RASGRP3: variants seen among roughly 807,000 people sequenced by gnomAD.
RASGRP3 encodes the protein ras guanyl-releasing protein 3.
A neutral mutation model predicts 82.7 loss-of-function variants in RASGRP3; 54 were observed. The observed-to-expected ratio is 0.65, with a 90% confidence interval of 0.52 to 0.82. The LOEUF (loss-of-function observed/expected upper bound fraction) is 0.82. RASGRP3 is among the 40% of genes least tolerant of loss of function. RASGRP3 has a pLI of 0.00. For missense variants in RASGRP3, 861 were observed against 828.9 expected (o/e 1.04, Z -0.48); for synonymous variants, 309 against 300.5 (o/e 1.03, Z -0.29).
intron 2 of RASGRP3, among the ~76,000 whole-genome samples, chr2:33,453,009 C>G (rs1192465408): frequency 6.6e-6 from 1 of 152,166 alleles, no homozygotes; most frequent in African/African-American, 2.4e-5. Flanking sequence ...AGTTCACTCT[C>G]CTTCCCCCAC....
Position 33,491,328 on chromosome 2 carries a change from A to C in RASGRP3, c.-261+14621A>C, listed in dbSNP as rs1040359774. ...TGAGACTGTGTCTCAAAAAAATTAA[A>C]AATAAAAAAAGTAAAACTTAATTGT... is the stretch of plus-strand genomic sequence containing the variant. On this transcript the variant is annotated intron_variant, in intron 1 of 17. Transcript: ENST00000403687. Among the ~76,000 whole-genome samples the C allele has an allele frequency of 3.9e-5, 6 of 152,194 alleles. No homozygotes were observed. In the East Asian group the frequency reaches 1.2e-3, roughly 29 times the overall value.
At chr2:33,552,969 T>G (rs1284086687) in intron 14 of RASGRP3, among the ~76,000 whole-genome samples, 2 of 152,200 alleles carry the variant, frequency 1.3e-5, no homozygotes, top group African/African-American at 4.8e-5. Flanking sequence ...GAGTTCATCC[T>G]CTACTGTTCT....
At chr2:33,511,476 A>T (rs1433763665) in intron 1 of RASGRP3, among the ~76,000 whole-genome samples, 1 of 152,220 alleles carries the variant, frequency 6.6e-6, no homozygotes, top group Non-Finnish European at 1.5e-5. Flanking sequence ...TTTGTTGCAT[A>T]TGTGGGTTTT....
chr2:33,456,925 A>G (rs547743611), intron 2 of RASGRP3, among the ~76,000 whole-genome samples: 110 of 121,774 alleles, frequency 9.0e-4, no homozygotes, highest in African/African-American at 2.3e-3. Context: ...TTTTTTTGAG[A>G]TGGAGTCTGG....
At chr2:33,547,145 T>C (rs1241467637) in intron 13 of RASGRP3, among the ~76,000 whole-genome samples, 1 of 149,412 alleles carries the variant, frequency 6.7e-6, no homozygotes, top group Non-Finnish European at 1.5e-5. Flanking sequence ...CCTAGCAAAC[T>C]AACGCAGGAA....
At chr2:33,519,226 A>G (rs1473893243) in intron 4 of RASGRP3, among the ~76,000 whole-genome samples, 1 of 152,190 alleles carries the variant, frequency 6.6e-6, no homozygotes, top group East Asian at 1.9e-4. Context: ...TTATTGGACC[A>G]CTGTCACATA....
At position 33,521,935 on chromosome 2, in the gene RASGRP3, GACTC is replaced by G. The variant is rs763774484; in HGVS notation, c.369-15_369-12del. 1 of 1,598,906 alleles carries G rather than the reference GACTC, an allele frequency of 6.3e-7. No homozygotes were observed. The highest frequency in any genetic ancestry group is 1.8e-5 in the Admixed American group (1 of 56,168). On this transcript the variant is annotated splice_polypyrimidine_tract_variant and intron_variant, in intron 6 of 17. Transcript: ENST00000403687. ...AAATGGGCTTTCAACACATTGACCG[GACTC>G]ACTCTTCTTTTATAGTCCTTCCTAT...
At chr2:33,500,979 G>A (rs1669820302) in intron 1 of RASGRP3, among the ~76,000 whole-genome samples, 1 of 152,150 alleles carries the variant, frequency 6.6e-6, no homozygotes, top group African/African-American at 2.4e-5. Context: ...ATGGTATTTA[G>A]TGTATTCACA....
chr2:33,464,635 G>T (rs1666583150), intron 2 of RASGRP3, among the ~76,000 whole-genome samples: 1 of 152,128 alleles, frequency 6.6e-6, no homozygotes, highest in African/African-American at 2.4e-5. Context: ...GCCACACCAA[G>T]CTGATTTCTT....
At chr2:33,515,296 T>A (rs1407499925) in intron 3 of RASGRP3, 90 bp downstream of exon 3, 2 of 1,360,186 alleles carry the variant, frequency 1.5e-6, no homozygotes, top group African/African-American at 2.9e-5. Context: ...AGAACAGAGT[T>A]CAGTCTCTGT....
chr2:33,543,746 G>A (rs1332145333), intron 13 of RASGRP3, 119 bp downstream of exon 13: 3 of 682,486 alleles, frequency 4.4e-6, no homozygotes, highest in African/African-American at 1.8e-5. Flanking sequence ...GTGCTTTGAT[G>A]AGCCAGGTTT....
Position 33,515,110 on chromosome 2 carries a change from T to C in RASGRP3, c.-27T>C, listed in dbSNP as rs759570048. On this transcript the variant is annotated 5_prime_UTR_variant, in exon 3 of 18. Transcript: ENST00000403687. Reference sequence around the variant, plus strand: ...GTCTATCTGATGCTGAAAATGTCTCTAGTTTTTTGACAACGGCTAAATAAC... The same window carrying C: ...GTCTATCTGATGCTGAAAATGTCTCCAGTTTTTTGACAACGGCTAAATAAC... 3 of 1,610,818 alleles carry C rather than the reference T, an allele frequency of 1.9e-6. No individual in the cohort carries two copies. Among genetic ancestry groups the C allele is most frequent in the Non-Finnish European group, 2.5e-6 (3 of 1,177,104 alleles).
chr2:33,455,269 T>C (rs1665980567), intron 2 of RASGRP3, among the ~76,000 whole-genome samples: 1 of 152,222 alleles, frequency 6.6e-6, no homozygotes, highest in Admixed American at 6.5e-5. Flanking sequence ...ATGAAACAAA[T>C]ATTGCCATTC....
At chr2:33,525,819 G>A (rs1574423310) in intron 9 of RASGRP3, among the ~76,000 whole-genome samples, 1 of 151,806 alleles carries the variant, frequency 6.6e-6, no homozygotes, top group Admixed American at 6.6e-5. Context: ...TGAGGCTGCA[G>A]TGAGCCAGGA....
intron 2 of RASGRP3, among the ~76,000 whole-genome samples, chr2:33,450,786 CTTTTTTCTT>C (rs1402520287): frequency 2.7e-5 from 2 of 73,800 alleles, no homozygotes; most frequent in African/African-American, 4.5e-5. Context: ...ATGTTTTTTT[CTTTTTTCTT>C]TTCTTTCTTT....
chr2:33,515,259 T>G lies in RASGRP3; in HGVS notation c.70+53T>G, dbSNP rs183877175. 253 of 1,581,354 alleles carry G rather than the reference T, an allele frequency of 1.6e-4. 1 individual carries two copies. The African/African-American group carries it at 3.1e-3, about 20-fold the overall frequency. The stretch of plus-strand genomic sequence containing the variant: ...TTTGGATCTCTCGATGCTCTCACTT[T>G]CCTCTATTCAGAGGCAAGTTGCTTG... On this transcript the variant is annotated intron_variant, in intron 3 of 17. Transcript: ENST00000403687.
chr2:33,464,379 C>G (rs1368866813), intron 2 of RASGRP3, among the ~76,000 whole-genome samples: 1 of 151,030 alleles, frequency 6.6e-6, no homozygotes, highest in African/African-American at 2.4e-5. Flanking sequence ...CTCAGCCTCC[C>G]AAAGCGCTGG....
chr2:33,524,192 C>T (rs1452110122), intron 8 of RASGRP3, 140 bp downstream of exon 8: 6 of 1,100,524 alleles, frequency 5.5e-6, no homozygotes, highest in East Asian at 4.8e-5. Context: ...ATGAACAAAT[C>T]GTATTTTTGT....
chr2:33,555,481 T>G, intron 14 of RASGRP3, 50 bp from the exon 15 acceptor site: 2 of 1,519,772 alleles, frequency 1.3e-6, no homozygotes, highest in Non-Finnish European at 1.8e-6. Context: ...CTTGTTTTCC[T>G]TCCAGATCTA....
Sources: gnomAD v4.1 joint callset for allele counts (sites outside exome capture counted in the v4.1 genomes callset) on GRCh38, gnomAD v4.1.1 for gene constraint, MANE v1.5 for transcripts, NCBI Gene and HGNC (gene_info 2026-07-23, HGNC 2026-07-21) for gene names.